Variants in DNAH6 observed in about 807,000 individuals in gnomAD.
DNAH6 encodes dynein axonemal heavy chain 6, also known as axonemal beta dynein heavy chain 6.
DNAH6 carries 340 observed loss-of-function variants against 491.4 expected under a neutral mutation model. The observed-to-expected ratio is 0.69, with a 90% CI of 0.63 to 0.76. The LOEUF (loss-of-function observed/expected upper bound fraction) is 0.76, where lower values mean the gene tolerates loss of function less well. DNAH6 is among the 30% of genes least tolerant of loss of function. The pLI is 0.00. For missense variants in DNAH6, 4,443 were observed against 4,972.2 expected, an observed-to-expected ratio of 0.89 and a Z score of 3.20; for synonymous variants, 1,603 against 1,686.1, an observed-to-expected ratio of 0.95 and a Z score of 1.21.
chr2:84,545,561 G>T lies in DNAH6; in HGVS notation c.930+1061G>T, dbSNP rs560350981. Among the ~76,000 whole-genome samples the T allele has an allele frequency of 5.7e-4, 86 of 152,206 alleles. 3 individuals carry two copies. In the South Asian group the frequency reaches 0.017, roughly 31 times the overall value. On this transcript the variant is annotated intron_variant, in intron 5 of 76. Coordinates refer to ENST00000389394, the MANE Select transcript of DNAH6 (RefSeq NM_001370.2). ...CTCGAGGCATGTTCTCTTATTTTATGTGCTGACAGTTTTCATTCTGTGTCC... is the reference window on the plus strand; with the variant it reads ...CTCGAGGCATGTTCTCTTATTTTATTTGCTGACAGTTTTCATTCTGTGTCC...
chr2:84,674,424 A>C (rs1177718338), intron 40 of DNAH6, among the ~76,000 whole-genome samples: 1 of 152,170 alleles, frequency 6.6e-6, no homozygotes, highest in African/African-American at 2.4e-5. Flanking sequence ...AGGCATAAAC[A>C]TTCTTTGAAG....
intron 67 of DNAH6, among the ~76,000 whole-genome samples, chr2:84,786,101 A>AGAAAGAATGAAT (rs1553498926): frequency 2.4e-3 from 359 of 150,362 alleles, no homozygotes; most frequent in South Asian, 5.3e-3. Flanking sequence ...AGAGAAAGAA[A>AGAAAGAATGAAT]GAATGAATGA....
At chr2:84,815,626 C>T (rs1249944958) in intron 75 of DNAH6, among the ~76,000 whole-genome samples, 4 of 152,126 alleles carry the variant, frequency 2.6e-5, no homozygotes, top group African/African-American at 7.2e-5. Flanking sequence ...GAATAACAGA[C>T]GATGATCTCA....
rs1294073705 is a variant in DNAH6, at chr2:84,762,729, A to G, written c.10513-26A>G. On this transcript the variant is annotated intron_variant, in intron 63 of 76. Transcript: ENST00000389394. ...ATTATGAAGGATCCTCATTCAACAT[A>G]CTTTTTTTTTCTTTTCAACTTTCAG... 26 of 1,483,262 alleles carry G rather than the reference A, an allele frequency of 1.8e-5. No individual in the cohort carries two copies. The East Asian group carries it at 4.7e-4, about 27-fold the overall frequency. 91.9% of individuals were successfully genotyped at this position (1,483,262 alleles called of 1,614,324 possible).
At chr2:84,686,751 C>T (rs1020762753) in intron 44 of DNAH6, among the ~76,000 whole-genome samples, 194 bp downstream of exon 44, 1 of 152,218 alleles carries the variant, frequency 6.6e-6, no homozygotes, top group African/African-American at 2.4e-5. Flanking sequence ...TGGAACATAG[C>T]CACAGCCATT....
chr2:84,679,387 C>T (rs1693558656), intron 41 of DNAH6, among the ~76,000 whole-genome samples: 1 of 152,174 alleles, frequency 6.6e-6, no homozygotes, highest in Non-Finnish European at 1.5e-5. Flanking sequence ...TGAATGTTTA[C>T]TTACTGGAAA....
At chr2:84,722,072 G>A (rs1458720069) in intron 59 of DNAH6, among the ~76,000 whole-genome samples, 1 of 152,172 alleles carries the variant, frequency 6.6e-6, no homozygotes, top group Non-Finnish European at 1.5e-5. Flanking sequence ...AACTCATTTG[G>A]GGTTATAATC....
rs531607724 is a variant in DNAH6 at position 84,814,036 on chromosome 2, G to A, written c.12064G>A (p.Val4022Ile). Residue 4022 changes from valine to isoleucine, a missense_variant, in exon 75 of 77, where the codon GTA becomes ATA. Coordinates refer to ENST00000389394, the MANE Select transcript of DNAH6 (RefSeq NM_001370.2). ...AGATGAGCTGAGTTTCAAATACAGC[G>A]TAATTCCCACCTATCGGGATCAAGC... ...PIDELSFKYSVIPTYRDQAAV... is the reference protein window; with the variant it reads ...PIDELSFKYSIIPTYRDQAAV... The A allele has an allele frequency of 4.2e-5, 65 of 1,551,652 alleles. No homozygotes were observed. The East Asian group carries it at 7.1e-4, about 17-fold the overall frequency.
chr2:84,791,708 T>C (rs966875429), intron 68 of DNAH6, among the ~76,000 whole-genome samples: 1 of 150,704 alleles, frequency 6.6e-6, no homozygotes, highest in African/African-American at 2.4e-5. Flanking sequence ...CTTTTATATA[T>C]GTTTTATGTG....
At chr2:84,736,080 G>A (rs947330608) in intron 62 of DNAH6, among the ~76,000 whole-genome samples, 7 of 152,092 alleles carry the variant, frequency 4.6e-5, no homozygotes, top group African/African-American at 1.7e-4. Flanking sequence ...CATATGGTTA[G>A]CCAGTTTTCC....
chr2:84,659,979 C>A (rs1354876361), intron 37 of DNAH6, among the ~76,000 whole-genome samples: 2 of 152,074 alleles, frequency 1.3e-5, no homozygotes, highest in East Asian at 1.9e-4. Context: ...AAGACTGTGT[C>A]TTTAAATAAA....
At chr2:84,593,509 A>T (rs1262457195) in intron 16 of DNAH6, among the ~76,000 whole-genome samples, 6 of 152,116 alleles carry the variant, frequency 3.9e-5, no homozygotes, top group African/African-American at 1.4e-4. Flanking sequence ...AGAGTCAGAA[A>T]CCACGCTGTC....
At chr2:84,792,229 G>A (rs1188200496) in intron 68 of DNAH6, among the ~76,000 whole-genome samples, 1 of 152,166 alleles carries the variant, frequency 6.6e-6, no homozygotes, top group East Asian at 1.9e-4. Context: ...ATAGAAGGAG[G>A]AGGAAAATGG....
intron 48 of DNAH6, among the ~76,000 whole-genome samples, chr2:84,700,032 G>C (rs931477278): frequency 6.6e-6 from 1 of 152,194 alleles, no homozygotes; most frequent in African/African-American, 2.4e-5. Context: ...CTGAGTCAGT[G>C]GTTATAGGCA....
At chr2:84,607,881 TA>T (rs550467123) in intron 21 of DNAH6, among the ~76,000 whole-genome samples, 1 of 151,976 alleles carries the variant, frequency 6.6e-6, no homozygotes, top group South Asian at 2.1e-4. Flanking sequence ...TCCTTTTATT[TA>T]AAAAAAATCT....
At chr2:84,633,609 G>A (rs1688600408) in intron 29 of DNAH6, among the ~76,000 whole-genome samples, 1 of 151,906 alleles carries the variant, frequency 6.6e-6, no homozygotes, top group South Asian at 2.1e-4. Context: ...ACCTCATGAT[G>A]GGCATTACTC....
At chr2:84,554,611 G>T (rs1317820777) in intron 10 of DNAH6, among the ~76,000 whole-genome samples, 1 of 152,180 alleles carries the variant, frequency 6.6e-6, no homozygotes, top group East Asian at 1.9e-4. Context: ...ATGATGAGAA[G>T]GCATATGAGT....
In DNAH6 at chr2:84,797,649, A is replaced by G; in HGVS notation, c.11472A>G (p.Leu3824=). The G allele has an allele frequency of 6.4e-7, 1 of 1,551,226 alleles. No individual in the cohort carries two copies. Among genetic ancestry groups the G allele is most frequent in the Middle Eastern group, 1.7e-4 (1 of 5,990 alleles). ...TTGGAATGCATGAAAATGCTAATCT[A>G]GTCTTCCAGGTATGTGGCCTTTCAT... is the stretch of plus-strand genomic sequence containing the variant. ...EIFGMHENAN[L]VFQYKETSTL... Residue 3824 remains leucine, a synonymous_variant, in exon 70 of 77, where the codon CTA becomes CTG. Coordinates refer to ENST00000389394, the MANE Select transcript of DNAH6 (RefSeq NM_001370.2).
chr2:84,670,230 C>G, intron 38 of DNAH6, 98 bp from the exon 39 acceptor site: 2 of 819,798 alleles, frequency 2.4e-6, no homozygotes, highest in Non-Finnish European at 3.7e-6. Flanking sequence ...TAACCTCTCT[C>G]TTTTTATCCT....
Sources: allele counts gnomAD v4.1 joint callset (sites outside exome capture counted in the v4.1 genomes callset), GRCh38; gene constraint gnomAD v4.1.1; transcripts MANE v1.5; gene names NCBI Gene and HGNC (gene_info 2026-07-23, HGNC 2026-07-21).